RGS6: variants seen among roughly 807,000 people sequenced by gnomAD.
The protein encoded by RGS6 is regulator of G protein signaling 6, also known as regulator of G-protein signaling 6.
In RGS6, 30 loss-of-function variants were observed where a neutral mutation model predicts 78.5. The ratio of observed to expected loss-of-function variants is 0.38; its 90% CI spans 0.29 to 0.52. The LOEUF is 0.52. Ranked by LOEUF, RGS6 falls within the 20% of genes least tolerant of loss-of-function variation. The pLI is 0.85. For missense variants in RGS6, 495 were observed against 609.7 expected (o/e 0.81, Z 1.98); for synonymous variants, 206 against 206.0 (o/e 1.00, Z 0.00).
At chr14:72,197,452 G>C (rs771408842) in intron 2 of RGS6, among the ~76,000 whole-genome samples, 1 of 152,116 alleles carries the variant, frequency 6.6e-6, no homozygotes, top group Non-Finnish European at 1.5e-5. Context: ...CAGAAGTCCT[G>C]GGTCCATGTT....
the RGS6 span, among the ~76,000 whole-genome samples, chr14:71,910,795 T>C: frequency 2.6e-5 from 4 of 152,262 alleles, no homozygotes; most frequent in African/African-American, 9.6e-5. Context: ...GATGGGGTAA[T>C]GGTGCTATTC....
intron 2 of RGS6, among the ~76,000 whole-genome samples, chr14:72,157,360 G>A (rs1201579809): frequency 6.6e-6 from 1 of 152,162 alleles, no homozygotes; most frequent in African/African-American, 2.4e-5. Flanking sequence ...CAGAAGTTCA[G>A]AACATTTGGG....
At chr14:72,151,593 G>A (rs898350073) in intron 2 of RGS6, among the ~76,000 whole-genome samples, 5 of 152,132 alleles carry the variant, frequency 3.3e-5, no homozygotes, top group Non-Finnish European at 7.3e-5. Context: ...CTGTGTGCTT[G>A]GGCGCCATTT....
chr14:72,344,619 G>T (rs182439736), intron 2 of RGS6, among the ~76,000 whole-genome samples: 3 of 152,112 alleles, frequency 2.0e-5, no homozygotes, highest in Non-Finnish European at 4.4e-5. Context: ...GTATTCATTC[G>T]TTCATTGATG....
At chr14:72,346,068 A>C (rs1726509393) in intron 2 of RGS6, among the ~76,000 whole-genome samples, 1 of 152,180 alleles carries the variant, frequency 6.6e-6, no homozygotes, top group Non-Finnish European at 1.5e-5. Context: ...CTGACGTGAC[A>C]GTCATTAGTA....
intron 2 of RGS6, among the ~76,000 whole-genome samples, chr14:71,975,909 T>C (rs1461751411): frequency 6.6e-6 from 1 of 152,192 alleles, no homozygotes; most frequent in Non-Finnish European, 1.5e-5. Context: ...TTTATTCCTT[T>C]GTCATTTTGT....
At chr14:72,456,548 G>A (rs1466836630) in intron 4 of RGS6, among the ~76,000 whole-genome samples, 4 of 152,138 alleles carry the variant, frequency 2.6e-5, no homozygotes, top group Admixed American at 1.3e-4. Flanking sequence ...TTCTGCTTTG[G>A]CCTCCCACAG....
rs555476376 is a variant in RGS6 at position 72,406,048 on chromosome 14, G to C, written c.185-48480G>C. 3.3e-5 allele frequency among the ~76,000 whole-genome samples: 5 copies of C among 152,302 alleles called. No individual in the cohort carries two copies. The East Asian group carries it at 9.7e-4, about 29-fold the overall frequency. On this transcript the variant is annotated intron_variant, in intron 3 of 17. Transcript: ENST00000553525. ...GAGGGTGAAGGAAGGAGGATGTTTA[G>C]AGAAAATTATCCAGTCACCTGGAGG...
At chr14:71,983,699 T>C (rs1215545081) in intron 2 of RGS6, among the ~76,000 whole-genome samples, 1 of 152,226 alleles carries the variant, frequency 6.6e-6, no homozygotes, top group African/African-American at 2.4e-5. Flanking sequence ...ATAAGGACAC[T>C]AGTTGTGGGA....
intron 2 of RGS6, among the ~76,000 whole-genome samples, chr14:72,013,658 G>C (rs1278938413): frequency 6.6e-6 from 1 of 152,204 alleles, no homozygotes; most frequent in Non-Finnish European, 1.5e-5. Flanking sequence ...TAGGCACTCA[G>C]TGAATATTTG....
chr14:71,914,779 T>G, the RGS6 span, among the ~76,000 whole-genome samples: 1 of 151,920 alleles, frequency 6.6e-6, no homozygotes, highest in Non-Finnish European at 1.5e-5. Context: ...ACACTATTGT[T>G]TTTGTACCTA....
chr14:72,495,993 G>T (rs2153416230), intron 13 of RGS6, among the ~76,000 whole-genome samples: 1 of 144,406 alleles, frequency 6.9e-6, no homozygotes, highest in Admixed American at 7.1e-5. Context: ...TTGGCTGGAT[G>T]AATTTTTATT....
At chr14:72,491,761 G>A (rs1548687) in intron 12 of RGS6, among the ~76,000 whole-genome samples, 40,428 of 152,108 alleles carry the variant, frequency 0.27, 5,540 homozygotes, top group Admixed American at 0.36. Context: ...GGGCAGAAGT[G>A]ATGTGACAAA....
chr14:72,367,399 T>C (rs2082648240), intron 3 of RGS6, among the ~76,000 whole-genome samples: 1 of 152,204 alleles, frequency 6.6e-6, no homozygotes, highest in Admixed American at 6.5e-5. Flanking sequence ...TCTGCAATGA[T>C]GGATGTCATC....
chr14:72,541,450 C>A (rs1299192812), intron 17 of RGS6: 1 of 1,534,818 alleles, frequency 6.5e-7, no homozygotes, highest in South Asian at 1.2e-5. Flanking sequence ...TCTCTGTGGC[C>A]TTTCCTCATG....
At chr14:72,537,771 G>A (rs998830590) in intron 16 of RGS6, 1 of 567,362 alleles carries the variant, frequency 1.8e-6, no homozygotes, top group Admixed American at 3.1e-5. Context: ...ATCACAGTTT[G>A]GTGACTTTCT....
chr14:72,530,693 A>G (rs8007069), intron 15 of RGS6, among the ~76,000 whole-genome samples: 7,611 of 152,276 alleles, frequency 0.05, 651 homozygotes, highest in African/African-American at 0.17. Flanking sequence ...CTCCATCTCA[A>G]AAAGAAAATG....
chr14:72,553,422 A>G (rs921732686), intron 17 of RGS6: 1 of 152,620 alleles, frequency 6.6e-6, no homozygotes, highest in African/African-American at 2.4e-5. Context: ...AGGTGTTCCA[A>G]AATCCAAAAG....
At chr14:72,516,063 G>T (rs375173645) in intron 14 of RGS6, among the ~76,000 whole-genome samples, 9 of 152,222 alleles carry the variant, frequency 5.9e-5, no homozygotes, top group African/African-American at 2.2e-4. Flanking sequence ...TGCCTAGCAT[G>T]GGGCTGAGGA....
Sources: gnomAD v4.1 joint callset for allele counts (sites outside exome capture counted in the v4.1 genomes callset) on GRCh38, gnomAD v4.1.1 for gene constraint, MANE v1.5 for transcripts, NCBI Gene and HGNC (gene_info 2026-07-23, HGNC 2026-07-21) for gene names.